The following SLITRK5 variants were observed in gnomAD, a reference collection of about 807,000 sequenced individuals.
The protein encoded by SLITRK5 is SLIT and NTRK-like protein 5.
A neutral mutation model predicts 56.2 loss-of-function variants in SLITRK5; 23 were observed. The ratio of observed to expected loss-of-function variants is 0.41; its 90% CI spans 0.29 to 0.58. SLITRK5 has a LOEUF of 0.58. Ranked by LOEUF, SLITRK5 falls within the 20% of genes least tolerant of loss-of-function variation. SLITRK5 has a pLI of 0.30. For synonymous variants in SLITRK5, 637 were observed against 531.8 expected (o/e 1.20, Z -2.72); for missense variants, 1,289 against 1,226.6 (o/e 1.05, Z -0.76).
intron 1 of SLITRK5, chr13:87,674,520 G>A: frequency 2.6e-6 from 1 of 387,596 alleles, no homozygotes; most frequent in Non-Finnish European, 3.5e-6. Flanking sequence ...TACCTTCGCT[G>A]AGTTCTTTGT....
Position 87,676,617 on chromosome 13 carries a change from A to T in SLITRK5, c.1229A>T (p.Asn410Ile). ...GCTGAACTGCAGCCCAAGCCCTACA[A>T]TCCCAAGAAAATGTATCTGACAGAG... ...SIAELQPKPY[N>I]PKKMYLTENY... Residue 410 changes from asparagine to isoleucine, a missense_variant, in exon 2 of 2, where the codon AAT becomes ATT. Transcript: ENST00000683689. The T allele has an allele frequency of 6.2e-7, 1 of 1,613,982 alleles. No homozygotes were observed. Among genetic ancestry groups the T allele is most frequent in the Non-Finnish European group, 8.5e-7 (1 of 1,180,026 alleles).
rs142703113 is a variant in SLITRK5 at position 87,675,502 on chromosome 13, A to G, written c.114A>G (p.Ala38=). ...TAACATCTCTCGTCCTTTCGTGTGC[A>G]GAAACCATCGATTATTATGGGGAAA... ...FAVTSLVLSC[A]ETIDYYGEIC... is the part of the protein sequence containing the mutation. The change falls in exon 2 of 2, where the codon GCA becomes GCG. Residue 38 remains alanine, a synonymous_variant. Coordinates refer to ENST00000683689, the MANE Select transcript of SLITRK5 (RefSeq NM_001384609.1). 29 of 1,614,120 alleles carry G rather than the reference A, an allele frequency of 1.8e-5. No homozygotes were observed. In the African/African-American group the frequency reaches 3.6e-4, roughly 20 times the overall value.
In SLITRK5 at chr13:87,672,116, C is replaced by G. The variant is rs1232012785; in HGVS notation, c.-102C>G. The stretch of plus-strand genomic sequence containing the variant: ...GGAGGGGAGGGCCGGCCGGCGCGAA[C>G]CCAGGCCGGAGGGTGCGAGGAGCCA... On this transcript the variant is annotated 5_prime_UTR_variant, in exon 1 of 2. Transcript: ENST00000683689. Among the ~76,000 whole-genome samples the G allele has an allele frequency of 6.6e-6, 1 of 151,988 alleles. No homozygotes were observed. The highest frequency in any genetic ancestry group is 2.0e-4 in the East Asian group (1 of 5,114).
Position 87,677,287 on chromosome 13 carries a change from G to A in SLITRK5, c.1899G>A (p.Arg633=). Residue 633 remains arginine, a synonymous_variant, in exon 2 of 2, where the codon AGG becomes AGA. Coordinates refer to ENST00000683689, the MANE Select transcript of SLITRK5 (RefSeq NM_001384609.1). This position sits in a 1 kb window ranked among gnomAD's most constrained non-coding sequence, Gnocchi z 4.7. ...CCTCCTCTATCCAGGTCCCTGCGAG[G>A]ACCAGCGCCGTGACTCCTGCGGTCC... ...PTPSSIQVPA[R]TSAVTPAVRL... 1.2e-6 allele frequency: 2 copies of A among 1,614,144 alleles called. No individual in the cohort carries two copies. The highest frequency in any genetic ancestry group is 1.1e-5 in the South Asian group (1 of 91,078).
Position 87,678,371 on chromosome 13 carries a change from A to G in SLITRK5, c.*106A>G. On this transcript the variant is annotated 3_prime_UTR_variant, in exon 2 of 2. Transcript: ENST00000683689. ...TGTGTTGTTTCAACGTTTAGGGTGA[A>G]GTGCCTTGGCACGGGATTTCTCAGC... 7 of 1,128,146 alleles carry G rather than the reference A, an allele frequency of 6.2e-6. No homozygotes were observed. Among genetic ancestry groups the G allele is most frequent in the Non-Finnish European group, 8.9e-6 (7 of 785,794 alleles). 69.9% of individuals were successfully genotyped at this position (1,128,146 alleles called of 1,614,324 possible). A position where few individuals can be genotyped will look rare whatever the true frequency, so the allele number is the denominator to read the frequency against.
At position 87,678,667 on chromosome 13, in the gene SLITRK5, C is replaced by T. The variant is rs2137949219; in HGVS notation, c.*402C>T. ...CTCCCCCTCCCCCGCCCCTGCCCCA[C>T]CTCTCTTTCTCCCCTTTTAAGCCAT... On this transcript the variant is annotated 3_prime_UTR_variant, in exon 2 of 2. Transcript: ENST00000683689. The T allele has an allele frequency of 5.5e-6, 1 of 180,380 alleles. No homozygotes were observed. Among genetic ancestry groups the T allele is most frequent in the Admixed American group, 6.3e-5 (1 of 15,982 alleles). 11.2% of individuals were successfully genotyped at this position (180,380 alleles called of 1,614,324 possible). A position where few individuals can be genotyped will look rare whatever the true frequency, so the allele number is the denominator to read the frequency against.
In SLITRK5 at chr13:87,675,737, A is replaced by T; in HGVS notation, c.349A>T (p.Ile117Phe). The T allele has an allele frequency of 6.2e-7, 1 of 1,614,138 alleles. No homozygotes were observed. Among genetic ancestry groups the T allele is most frequent in the Non-Finnish European group, 8.5e-7 (1 of 1,180,010 alleles). The part of the protein sequence containing the change: ...ASILHLGSNV[I>F]QDIETGAFHG... Reference sequence around the variant, plus strand: ...AATTTTGCATCTAGGTAGCAATGTTATCCAGGACATTGAGACCGGGGCTTT... The same window carrying T: ...AATTTTGCATCTAGGTAGCAATGTTTTCCAGGACATTGAGACCGGGGCTTT... The change falls in exon 2 of 2, where the codon ATC becomes TTC. Residue 117 changes from isoleucine (I) to phenylalanine (F), a missense_variant. By Grantham distance (21) the Ile-to-Phe change is conservative (BLOSUM62 0). This residue lies in a region of SLITRK5 where 291 missense variants were observed against 286.7 expected (regional missense o/e 1.02). Transcript: ENST00000683689.
chr13:87,678,488 T>G lies in SLITRK5; in HGVS notation c.*223T>G. 1 of 572,714 alleles carries G rather than the reference T, an allele frequency of 1.7e-6. No individual in the cohort carries two copies. The allele number at this position is 572,714 out of a possible 1,614,324, so 35.5% of individuals were successfully genotyped here. On this transcript the variant is annotated 3_prime_UTR_variant, in exon 2 of 2. Transcript: ENST00000683689. ...AAACTGGGCACATCACTTTCTCTTCTTGCGTGTGGGGCAGGTGTGGAGAAG... is the reference window on the plus strand; with the variant it reads ...AAACTGGGCACATCACTTTCTCTTCGTGCGTGTGGGGCAGGTGTGGAGAAG...
At position 87,675,996 on chromosome 13, in the gene SLITRK5, C is replaced by T; in HGVS notation, c.608C>T (p.Thr203Met). 2 of 1,614,134 alleles carry T rather than the reference C, an allele frequency of 1.2e-6. No homozygotes were observed. The highest frequency in any genetic ancestry group is 1.7e-6 in the Non-Finnish European group (2 of 1,180,038). The change falls in exon 2 of 2, where the codon ACG becomes ATG. Residue 203 changes from threonine to methionine, a missense_variant. Around this residue, in one of 3 missense-constraint regions of SLITRK5, gnomAD observed 291 missense variants for 286.7 expected, o/e 1.02. Coordinates refer to ENST00000683689, the MANE Select transcript of SLITRK5 (RefSeq NM_001384609.1). ...AATCTTTTCCGTTTTGTGCCCTTAA[C>T]GCACTTGGACCTCCGGGGGAACCGG... ...PNNLFRFVPLTHLDLRGNRLK... is the reference protein window; with the variant it reads ...PNNLFRFVPLMHLDLRGNRLK...
Position 87,677,857 on chromosome 13 carries a change from G to A in SLITRK5, c.2469G>A (p.Arg823=), listed in dbSNP as rs1877364173. The A allele has an allele frequency of 6.2e-7, 1 of 1,609,396 alleles. No homozygotes were observed. Among genetic ancestry groups the A allele is most frequent in the East Asian group, 2.2e-5 (1 of 44,580 alleles). Residue 823 remains arginine, a synonymous_variant, in exon 2 of 2, where the codon CGG becomes CGA. Transcript: ENST00000683689. This position sits in a 1 kb window ranked among gnomAD's most constrained non-coding sequence, Gnocchi z 4.7. ...TGCAGCCCGGGGAGGAGGAGAGGCG[G>A]GAAAGCCACCACTTGCGGAGCCCCG... is the stretch of plus-strand genomic sequence containing the variant. ...LQLQPGEEER[R]ESHHLRSPAY... is the part of the protein sequence containing the mutation.
At position 87,677,252 on chromosome 13, in the gene SLITRK5, A is replaced by G. The variant is rs1425506746; in HGVS notation, c.1864A>G (p.Thr622Ala). 1.9e-6 allele frequency: 3 copies of G among 1,614,070 alleles called. No homozygotes were observed. The highest frequency in any genetic ancestry group is 2.2e-5 in the South Asian group (2 of 91,082). ...CPDYSDVVVS[T>A]PTPSSIQVPA... ...TGACTATTCAGATGTAGTAGTTTCC[A>G]CGCCCACACCCTCCTCTATCCAGGT... The change falls in exon 2 of 2, where the codon ACG becomes GCG. Residue 622 changes from threonine to alanine, a missense_variant. Around this residue, in one of 3 missense-constraint regions of SLITRK5, gnomAD observed 985 missense variants for 906.0 expected, o/e 1.09. Transcript: ENST00000683689. The surrounding 1 kb of genome is among the most constrained non-coding windows in gnomAD (Gnocchi z 4.7).
rs201902798 is a variant in SLITRK5 at position 87,676,617 on chromosome 13, A to G, written c.1229A>G (p.Asn410Ser). Residue 410 changes from asparagine (N) to serine (S), a missense_variant, in exon 2 of 2, where the codon AAT becomes AGT. Coordinates refer to ENST00000683689, the MANE Select transcript of SLITRK5 (RefSeq NM_001384609.1). ...GCTGAACTGCAGCCCAAGCCCTACAATCCCAAGAAAATGTATCTGACAGAG... is the reference window on the plus strand; with the variant it reads ...GCTGAACTGCAGCCCAAGCCCTACAGTCCCAAGAAAATGTATCTGACAGAG... ...SIAELQPKPY[N>S]PKKMYLTENY... 1.6e-5 allele frequency: 26 copies of G among 1,613,864 alleles called. No individual in the cohort carries two copies. The highest frequency in any genetic ancestry group is 8.3e-5 in the Admixed American group (5 of 59,982).
chr13:87,673,112 G>T (rs1265316210), intron 1 of SLITRK5, among the ~76,000 whole-genome samples: 3 of 151,792 alleles, frequency 2.0e-5, no homozygotes, highest in African/African-American at 7.3e-5. Flanking sequence ...GAGGCTCCAT[G>T]CTGCTTACTG....
Position 87,677,162 on chromosome 13 carries a change from T to C in SLITRK5, c.1774T>C (p.Cys592Arg). The change falls in exon 2 of 2, where the codon TGT (cysteine) becomes CGT (arginine). Residue 592 changes from cysteine to arginine, a missense_variant. This residue lies in a region of SLITRK5 where 985 missense variants were observed against 906.0 expected (regional missense o/e 1.09). Coordinates refer to ENST00000683689, the MANE Select transcript of SLITRK5 (RefSeq NM_001384609.1). The surrounding 1 kb of genome is among the most constrained non-coding windows in gnomAD (Gnocchi z 4.7). ...KVGVLVDEVI[C>R]KAPKKFAETD... ...GGGCGTCCTAGTGGACGAGGTGATC[T>C]GTAAGGCGCCCAAAAAATTCGCTGA... 1 of 1,614,178 alleles carries C rather than the reference T, an allele frequency of 6.2e-7. No individual in the cohort carries two copies. The highest frequency in any genetic ancestry group is 8.5e-7 in the Non-Finnish European group (1 of 1,180,038).
At chr13:87,675,353 A>C in intron 1 of SLITRK5, 28 bp from the exon 2 acceptor site, 1 of 1,551,950 alleles carries the variant, frequency 6.4e-7, no homozygotes, top group Non-Finnish European at 8.9e-7. Context: ...ATATTCTGTT[A>C]TTTCCTTGTT....
chr13:87,677,679 T>G lies in SLITRK5; in HGVS notation c.2291T>G (p.Ile764Ser). The change falls in exon 2 of 2, where the codon ATC becomes AGC. Residue 764 changes from isoleucine to serine, a missense_variant. Coordinates refer to ENST00000683689, the MANE Select transcript of SLITRK5 (RefSeq NM_001384609.1). The surrounding 1 kb of genome is among the most constrained non-coding windows in gnomAD (Gnocchi z 4.7). ...CTGGGCCACATGTGCAAAAACCCCA[T>G]CTACCGCTCCCGAGAGGGCAACTCC... is the stretch of plus-strand genomic sequence containing the variant. ...HPLGHMCKNP[I>S]YRSREGNSVE... 1 of 1,605,856 alleles carries G rather than the reference T, an allele frequency of 6.2e-7. No individual in the cohort carries two copies.
intron 1 of SLITRK5, among the ~76,000 whole-genome samples, chr13:87,674,660 G>A (rs1274614640): frequency 1.3e-5 from 2 of 152,134 alleles, no homozygotes; most frequent in Admixed American, 1.3e-4. Flanking sequence ...CATGCAATTA[G>A]GACGCTGATG....
rs1350575026 is a variant in SLITRK5, at chr13:87,676,760, A to C, written c.1372A>C (p.Asn458His). The change falls in exon 2 of 2, where the codon AAC (asparagine) becomes CAC (histidine). Residue 458 changes from asparagine (N) to histidine (H), a missense_variant. Coordinates refer to ENST00000683689, the MANE Select transcript of SLITRK5 (RefSeq NM_001384609.1). ...IQDRAFGDLT[N>H]LRRLYLNGNR... ...GGACCGCGCTTTCGGGGATCTCACC[A>C]ACCTGAGGCGCCTCTACCTGAATGG... 6.2e-7 allele frequency: 1 copy of C among 1,614,080 alleles called. No individual in the cohort carries two copies. The highest frequency in any genetic ancestry group is 1.1e-5 in the South Asian group (1 of 91,090).
In SLITRK5 at chr13:87,672,026, C is replaced by T. The variant is rs1268397911; in HGVS notation, c.-192C>T. ...CCGCGACCCGCTCCCTCTGGCTCGT[C>T]CCCCGGCGTGCGCCACTGACCAGGG... On this transcript the variant is annotated 5_prime_UTR_variant, in exon 1 of 2. Transcript: ENST00000683689. 6.6e-6 allele frequency among the ~76,000 whole-genome samples: 1 copy of T among 152,094 alleles called. No homozygotes were observed. The highest frequency in any genetic ancestry group is 1.5e-5 in the Non-Finnish European group (1 of 68,034).
Sources: allele counts gnomAD v4.1 joint callset (sites outside exome capture counted in the v4.1 genomes callset), GRCh38; gene constraint gnomAD v4.1.1; regional missense constraint gnomAD v4.1.1; non-coding constraint Gnocchi (gnomAD v3.1); transcripts MANE v1.5; gene names NCBI Gene and HGNC (gene_info 2026-07-23, HGNC 2026-07-21).